Variants in RASGRF2 observed in about 807,000 individuals in gnomAD.
RASGRF2 encodes the protein Ras protein specific guanine nucleotide releasing factor 2, also known as ras-specific guanine nucleotide-releasing factor 2.
In RASGRF2, 76 loss-of-function variants were observed where a neutral mutation model predicts 151.0. That is an observed-to-expected ratio of 0.50 (90% CI 0.42 to 0.61). The LOEUF (loss-of-function observed/expected upper bound fraction) is 0.61, where lower values mean the gene tolerates loss of function less well. Among genes scored for constraint, RASGRF2 ranks in the 20% least tolerant of loss-of-function variants. The pLI is 0.00. For synonymous variants in RASGRF2, 504 were observed against 566.5 expected, an observed-to-expected ratio of 0.89 and a Z score of 1.57; for missense variants, 1,148 against 1,564.6, an observed-to-expected ratio of 0.73 and a Z score of 4.49.
chr5:81,206,169 A>T (rs1403626464), intron 19 of RASGRF2, among the ~76,000 whole-genome samples: 1 of 152,200 alleles, frequency 6.6e-6, no homozygotes, highest in African/African-American at 2.4e-5. Flanking sequence ...TATTTAAGGT[A>T]TTAACTTGTG....
intron 18 of RASGRF2, among the ~76,000 whole-genome samples, chr5:81,185,301 TGGCTGGGC>T (rs2112683980): frequency 6.6e-6 from 1 of 152,328 alleles, no homozygotes; most frequent in Admixed American, 6.5e-5. Flanking sequence ...TGAAAGGTGC[TGGCTGGGC>T]AAAGTGAAGA....
intron 17 of RASGRF2, among the ~76,000 whole-genome samples, chr5:81,165,484 G>A (rs200968521): frequency 3.9e-5 from 6 of 152,106 alleles, no homozygotes; most frequent in East Asian, 3.8e-4. Flanking sequence ...AGCGAGGCCC[G>A]ATTCTTTTCA....
chr5:81,051,261 A>G (rs1285300864), intron 2 of RASGRF2, among the ~76,000 whole-genome samples: 2 of 152,216 alleles, frequency 1.3e-5, no homozygotes, highest in Non-Finnish European at 2.9e-5. Context: ...TTGAATTAAA[A>G]TGCAATCAAA....
chr5:81,053,973 G>A (rs1448301898), intron 2 of RASGRF2, among the ~76,000 whole-genome samples: 1 of 152,270 alleles, frequency 6.6e-6, no homozygotes, highest in African/African-American at 2.4e-5. Context: ...TGATGGGGTT[G>A]TTTGTTTTTT....
chr5:81,033,899 T>C (rs1035210943), intron 1 of RASGRF2, among the ~76,000 whole-genome samples: 1 of 152,188 alleles, frequency 6.6e-6, no homozygotes, highest in African/African-American at 2.4e-5. Context: ...AATCTACCCA[T>C]CTGACAAATG....
intron 7 of RASGRF2, among the ~76,000 whole-genome samples, chr5:81,083,433 G>A (rs911159138): frequency 2.0e-5 from 3 of 152,052 alleles, no homozygotes; most frequent in African/African-American, 7.3e-5. Flanking sequence ...TAGCTTGTAT[G>A]TGTAGAAGAG....
At chr5:81,179,672 A>T (rs952112642) in intron 17 of RASGRF2, among the ~76,000 whole-genome samples, 10 of 152,224 alleles carry the variant, frequency 6.6e-5, no homozygotes, top group African/African-American at 2.4e-4. Flanking sequence ...AGTATTTTTT[A>T]AATACACATT....
intron 17 of RASGRF2, among the ~76,000 whole-genome samples, chr5:81,131,604 C>G (rs1753621066): frequency 6.6e-6 from 1 of 151,790 alleles, no homozygotes; most frequent in African/African-American, 2.4e-5. Context: ...ATCTGTCTGC[C>G]TTGGCCTTCC....
chr5:81,041,250 C>T (rs570860831), intron 1 of RASGRF2, among the ~76,000 whole-genome samples: 3 of 149,716 alleles, frequency 2.0e-5, no homozygotes, highest in Admixed American at 6.7e-5. Flanking sequence ...TGCAATGAGC[C>T]GAGATCACGC....
At chr5:80,980,175 A>T (rs1299906796) in intron 1 of RASGRF2, among the ~76,000 whole-genome samples, 1 of 152,196 alleles carries the variant, frequency 6.6e-6, no homozygotes, top group East Asian at 1.9e-4. Context: ...AAGGAAACTC[A>T]TTCTTTCCTA....
chr5:81,038,678 C>T (rs1366417183), intron 1 of RASGRF2, among the ~76,000 whole-genome samples: 3 of 148,730 alleles, frequency 2.0e-5, no homozygotes, highest in Non-Finnish European at 4.4e-5. Flanking sequence ...TGGCCTCCAG[C>T]AGTCCTCCTG....
intron 18 of RASGRF2, among the ~76,000 whole-genome samples, chr5:81,185,192 C>T (rs953431371): frequency 6.6e-6 from 1 of 152,186 alleles, no homozygotes; most frequent in Non-Finnish European, 1.5e-5. Flanking sequence ...TGTGTAAGTT[C>T]CCTACCACTA....
intron 1 of RASGRF2, among the ~76,000 whole-genome samples, chr5:81,001,491 T>A (rs1362257513): frequency 6.9e-6 from 1 of 144,120 alleles, no homozygotes; most frequent in Non-Finnish European, 1.5e-5. Context: ...TTCACTGCCA[T>A]TCTGGGCCTC....
At chr5:81,087,857 C>CCATT (rs1752284039) in intron 9 of RASGRF2, 1 of 158,628 alleles carries the variant, frequency 6.3e-6, no homozygotes, top group Non-Finnish European at 1.4e-5. Flanking sequence ...ATTTGTGTTG[C>CCATT]CATTGCCTAC....
At position 81,035,623 on chromosome 5, in the gene RASGRF2, T is replaced by TAA. The variant is rs59490154; in HGVS notation, c.289-7245_289-7244dup. The stretch of plus-strand genomic sequence containing the variant: ...ACTTAAAGTATAATTAAAACAAAAT[T>TAA]AAAAAAAAAACAACTTAATAGACTG... On this transcript the variant is annotated intron_variant, in intron 1 of 26. Coordinates refer to ENST00000265080, the MANE Select transcript of RASGRF2 (RefSeq NM_006909.3). 3.2e-4 allele frequency among the ~76,000 whole-genome samples: 47 copies of TAA among 148,046 alleles called. No individual in the cohort carries two copies. The South Asian group carries it at 7.7e-3, about 24-fold the overall frequency.
chr5:81,182,697 A>G (rs573612796), intron 18 of RASGRF2, among the ~76,000 whole-genome samples: 2 of 152,294 alleles, frequency 1.3e-5, no homozygotes, highest in Admixed American at 6.5e-5. Context: ...CATTGTGTGC[A>G]TACTGCCTCC....
chr5:80,978,493 G>C (rs956657878), intron 1 of RASGRF2, among the ~76,000 whole-genome samples: 1 of 152,062 alleles, frequency 6.6e-6, no homozygotes, highest in African/African-American at 2.4e-5. Flanking sequence ...CATTTTAAAG[G>C]GGGACAAGGC....
At chr5:81,004,120 TG>T (rs1253051001) in intron 1 of RASGRF2, among the ~76,000 whole-genome samples, 1 of 152,204 alleles carries the variant, frequency 6.6e-6, no homozygotes, top group East Asian at 1.9e-4. Flanking sequence ...CTGTGCCTTG[TG>T]TTTGTGTTAA....
At chr5:81,117,671 C>T (rs1367908416) in intron 15 of RASGRF2, among the ~76,000 whole-genome samples, 1 of 152,130 alleles carries the variant, frequency 6.6e-6, no homozygotes, top group African/African-American at 2.4e-5. Context: ...AAAGTCTTAA[C>T]TTGTTTTGGC....
Sources: allele counts gnomAD v4.1 joint callset (sites outside exome capture counted in the v4.1 genomes callset), GRCh38; gene constraint gnomAD v4.1.1; transcripts MANE v1.5; gene names NCBI Gene and HGNC (gene_info 2026-07-23, HGNC 2026-07-21).